ZBTB8OS: variants seen among roughly 807,000 people sequenced by gnomAD.
The protein encoded by ZBTB8OS is tRNA splicing ligase complex subunit 1, also known as tRNA-splicing ligase-activating factor archease.
ZBTB8OS carries 16 observed loss-of-function variants against 29.3 expected under a neutral mutation model. The observed-to-expected ratio is 0.55, with a 90% confidence interval of 0.37 to 0.83. The LOEUF (loss-of-function observed/expected upper bound fraction) is 0.83. ZBTB8OS is among the 40% of genes least tolerant of loss of function. The probability of loss-of-function intolerance (pLI) is 0.00; values close to 1 mark genes in which losing one functional copy is unlikely to be tolerated. For missense variants in ZBTB8OS, 160 were observed against 196.9 expected, an observed-to-expected ratio of 0.81 and a Z score of 1.12; for synonymous variants, 70 against 64.6, an observed-to-expected ratio of 1.08 and a Z score of -0.40.
chr1:32,649,649 CACACACACACACACACACAT>C (rs775447378), intron 1 of ZBTB8OS, among the ~76,000 whole-genome samples: 13 of 138,584 alleles, frequency 9.4e-5, no homozygotes, highest in African/African-American at 2.2e-4. Flanking sequence ...CACACACACA[CACACACACACACACACACAT>C]TTTTTTTTTT....
intron 5 of ZBTB8OS, among the ~76,000 whole-genome samples, chr1:32,630,760 C>T (rs982593990): frequency 4.0e-5 from 6 of 151,860 alleles, no homozygotes; most frequent in Admixed American, 2.6e-4. Context: ...CCTGTAATCT[C>T]GACACTTTGG....
At chr1:32,625,130 C>T (rs1048422172) in intron 6 of ZBTB8OS, among the ~76,000 whole-genome samples, 6 of 132,370 alleles carry the variant, frequency 4.5e-5, no homozygotes, top group African/African-American at 1.4e-4. Context: ...GGCTGAGACA[C>T]GAGAATCGCT....
intron 1 of ZBTB8OS, among the ~76,000 whole-genome samples, chr1:32,648,126 T>C (rs1646995046): frequency 6.6e-6 from 1 of 152,034 alleles, no homozygotes; most frequent in Non-Finnish European, 1.5e-5. Flanking sequence ...TCCAAAACAG[T>C]ATAATATGTT....
intron 4 of ZBTB8OS, among the ~76,000 whole-genome samples, chr1:32,632,618 C>T (rs766676102): frequency 1.7e-4 from 26 of 152,190 alleles, no homozygotes; most frequent in Non-Finnish European, 3.2e-4. Flanking sequence ...CAGGGAGTTT[C>T]GCCATGTTGC....
At chr1:32,633,620 G>A in intron 4 of ZBTB8OS, 25 bp downstream of exon 4, 1 of 1,542,462 alleles carries the variant, frequency 6.5e-7, no homozygotes, top group Non-Finnish European at 8.8e-7. Flanking sequence ...CATTTGCTCA[G>A]TAAAAAAGAA....
In ZBTB8OS at chr1:32,635,331, G is replaced by A. The variant is rs929313069; in HGVS notation, c.98-539C>T. On this transcript the variant is annotated intron_variant, in intron 1 of 6. Transcript: ENST00000468695. The stretch of plus-strand genomic sequence containing the variant: ...CTGTCACCCAGGCTGGAGTACAGTG[G>A]CGCGATCTTGGCTCACTGCAGCCTC... 9.3e-5 allele frequency among the ~76,000 whole-genome samples: 14 copies of A among 150,994 alleles called. No homozygotes were observed. In the East Asian group the frequency reaches 2.4e-3, roughly 25 times the overall value.
At chr1:32,632,653 C>T (rs1387494816) in intron 4 of ZBTB8OS, among the ~76,000 whole-genome samples, 1 of 152,026 alleles carries the variant, frequency 6.6e-6, no homozygotes, top group East Asian at 1.9e-4. Context: ...AAATATATTT[C>T]AAGGAAATAA....
At chr1:32,644,704 C>CTTTTTTT (rs1190646557) in intron 1 of ZBTB8OS, among the ~76,000 whole-genome samples, 5 of 105,598 alleles carry the variant, frequency 4.7e-5, no homozygotes, top group Non-Finnish European at 7.3e-5. Flanking sequence ...CCACACCCAG[C>CTTTTTTT]TTTTTTTTTT....
chr1:32,626,101 G>A (rs1645113951), intron 6 of ZBTB8OS, among the ~76,000 whole-genome samples: 1 of 152,128 alleles, frequency 6.6e-6, no homozygotes, highest in African/African-American at 2.4e-5. Flanking sequence ...TAGAACTCCT[G>A]ACTTCAGGTG....
chr1:32,632,720 T>C (rs12021611), intron 4 of ZBTB8OS, among the ~76,000 whole-genome samples: 20,620 of 152,196 alleles, frequency 0.14, 2,871 homozygotes, highest in African/African-American at 0.35. Context: ...TCTAAAAATA[T>C]GAGTCAAAAG....
At chr1:32,650,593 C>T (rs1203706525), upstream of ZBTB8OS, 4 of 1,613,550 alleles carry the variant, frequency 2.5e-6, no homozygotes, top group South Asian at 4.4e-5. Context: ...GGAGTTACTA[C>T]TTCCGCTCTA....
chr1:32,646,022 A>G (rs1050252169), intron 1 of ZBTB8OS, among the ~76,000 whole-genome samples: 6 of 152,134 alleles, frequency 3.9e-5, no homozygotes, highest in Non-Finnish European at 7.3e-5. Context: ...TCATACTTCA[A>G]TAAAAGATGT....
chr1:32,647,221 AG>A (rs1646917988), intron 1 of ZBTB8OS, among the ~76,000 whole-genome samples: 1 of 148,314 alleles, frequency 6.7e-6, no homozygotes, highest in African/African-American at 2.5e-5. Flanking sequence ...ATACAAAATT[AG>A]CCAGGCACGG....
At chr1:32,639,619 G>A (rs970013088) in intron 1 of ZBTB8OS, among the ~76,000 whole-genome samples, 4 of 151,924 alleles carry the variant, frequency 2.6e-5, no homozygotes, top group African/African-American at 4.8e-5. Context: ...AAAACCAGGC[G>A]TGGTAGTGCA....
At chr1:32,649,226 G>A (rs1557833455) in intron 1 of ZBTB8OS, among the ~76,000 whole-genome samples, 1 of 151,598 alleles carries the variant, frequency 6.6e-6, no homozygotes, top group African/African-American at 2.4e-5. Flanking sequence ...CGTCAGTCTC[G>A]CAAAGTGCTG....
chr1:32,650,748 T>C, upstream of ZBTB8OS: 2 of 739,730 alleles, frequency 2.7e-6, no homozygotes, highest in Non-Finnish European at 4.3e-6. Context: ...TCATTACTAG[T>C]TCTTTCCAAA....
At chr1:32,628,322 A>G (rs1476944416) in intron 5 of ZBTB8OS, among the ~76,000 whole-genome samples, 1 of 139,834 alleles carries the variant, frequency 7.2e-6, no homozygotes, top group Admixed American at 7.5e-5. Context: ...GCGCCACTGC[A>G]CTCCACCCTA....
chr1:32,632,438 A>G (rs1054562746), intron 4 of ZBTB8OS: 5 of 151,870 alleles, frequency 3.3e-5, no homozygotes, highest in African/African-American at 1.2e-4. Context: ...TGTTTGAGAC[A>G]AGGTTTCACT....
At chr1:32,649,668 ATTT>A (rs1156427480) in intron 1 of ZBTB8OS, among the ~76,000 whole-genome samples, 7 of 31,120 alleles carry the variant, frequency 2.2e-4, no homozygotes, top group Middle Eastern at 0.014. Context: ...ACACACACAC[ATTT>A]TTTTTTTTTT....
Sources: allele counts gnomAD v4.1 joint callset (sites outside exome capture counted in the v4.1 genomes callset), GRCh38; gene constraint gnomAD v4.1.1; transcripts MANE v1.5; gene names NCBI Gene and HGNC (gene_info 2026-07-23, HGNC 2026-07-21).